ABCC12: variants seen among roughly 807,000 people sequenced by gnomAD.
The protein encoded by ABCC12 is ATP binding cassette subfamily C member 12.
A neutral mutation model predicts 151.1 loss-of-function variants in ABCC12; 142 were observed. The observed-to-expected ratio is 0.94, with a 90% CI of 0.82 to 1.08. ABCC12 has a LOEUF of 1.08. Ranked by LOEUF, ABCC12 falls within the 50% of genes least tolerant of loss-of-function variation. ABCC12 has a pLI of 0.00. For missense variants in ABCC12, 1,638 were observed against 1,691.1 expected (o/e 0.97, Z 0.55); for synonymous variants, 645 against 646.4 (o/e 1.00, Z 0.03).
chr16:48,105,113 T>C (rs777549270), intron 21 of ABCC12, 26 bp downstream of exon 21: 3 of 1,613,334 alleles, frequency 1.9e-6, no homozygotes, highest in Non-Finnish European at 2.5e-6. Flanking sequence ...AATAACTGGG[T>C]ACACCTGCAA....
At chr16:48,133,416 C>T (rs927210324) in intron 9 of ABCC12, among the ~76,000 whole-genome samples, 66 of 151,904 alleles carry the variant, frequency 4.3e-4, no homozygotes, top group African/African-American at 1.5e-3. Context: ...ATCCCAGCTA[C>T]TCAGGAGGCT....
chr16:48,128,758 TTAAC>T, intron 10 of ABCC12, 21 bp from the exon 11 acceptor site: 2 of 1,606,546 alleles, frequency 1.2e-6, no homozygotes, highest in Non-Finnish European at 1.7e-6. Context: ...AGAGACAAAA[TTAAC>T]TGAGCAGATG....
chr16:48,145,826 G>A (rs1357773531), intron 3 of ABCC12, among the ~76,000 whole-genome samples: 4 of 152,214 alleles, frequency 2.6e-5, no homozygotes, highest in Non-Finnish European at 5.9e-5. Flanking sequence ...ACCCAGCTGA[G>A]CTCAGCCCAA....
In ABCC12 at chr16:48,111,874, C is replaced by A; in HGVS notation, c.2026G>T (p.Asp676Tyr). The change falls in exon 16 of 31, where the codon GAT (aspartate) becomes TAT (tyrosine). Residue 676 changes from aspartate (D) to tyrosine (Y), a missense_variant. Coordinates refer to ENST00000311303, the MANE Select transcript of ABCC12 (RefSeq NM_001393797.1). Reference protein sequence around the residue: ...ESCDEVILLEDGEICEKGTHK... With the variant: ...ESCDEVILLEYGEICEKGTHK... Reference sequence around the variant, plus strand: ...GTTCCCTTTTCACAAATCTCTCCATCTTCTAATAAAATAACTTCATCACAA... The same window carrying A: ...GTTCCCTTTTCACAAATCTCTCCATATTCTAATAAAATAACTTCATCACAA... 1 of 1,614,182 alleles carries A rather than the reference C, an allele frequency of 6.2e-7. No homozygotes were observed. The highest frequency in any genetic ancestry group is 8.5e-7 in the Non-Finnish European group (1 of 1,180,036).
chr16:48,148,814 A>G (rs1324242105), intron 2 of ABCC12, among the ~76,000 whole-genome samples: 2 of 151,172 alleles, frequency 1.3e-5, no homozygotes, highest in African/African-American at 4.9e-5. Flanking sequence ...CACTTGACCA[A>G]TTTCTGCTCA....
At position 48,128,483 on chromosome 16, in the gene ABCC12, G is replaced by A. The variant is rs140426818; in HGVS notation, c.1491C>T (p.His497=). The change falls in exon 11 of 31, where the codon CAC becomes CAT. Residue 497 remains histidine, a synonymous_variant. Coordinates refer to ENST00000311303, the MANE Select transcript of ABCC12 (RefSeq NM_001393797.1). The stretch of plus-strand genomic sequence containing the variant: ...CCTTTCTCACCACAAAGCTTATGCT[G>A]TGCAGAACCGATTTGAGGCTGTCAC... ...EQSDSLKSVL[H]SISFVVRKGK... 3.7e-6 allele frequency: 6 copies of A among 1,614,118 alleles called. No individual in the cohort carries two copies. In the African/African-American group the frequency reaches 8.0e-5, roughly 22 times the overall value.
intron 27 of ABCC12, 131 bp downstream of exon 27, chr16:48,087,795 C>T: frequency 2.1e-6 from 2 of 958,850 alleles, no homozygotes; most frequent in Non-Finnish European, 3.1e-6. Flanking sequence ...GCTTGTGAGC[C>T]CCCCTGGGAT....
At chr16:48,106,775 C>T (rs1213365494) in intron 20 of ABCC12, among the ~76,000 whole-genome samples, 1 of 152,212 alleles carries the variant, frequency 6.6e-6, no homozygotes, top group Non-Finnish European at 1.5e-5. Context: ...TCCCAGCAAG[C>T]TCAAGAGAGA....
chr16:48,127,069 C>T (rs909744143), intron 11 of ABCC12, among the ~76,000 whole-genome samples: 6 of 152,120 alleles, frequency 3.9e-5, no homozygotes, highest in African/African-American at 1.4e-4. Context: ...CTCAATTGCA[C>T]TCAGCCAACT....
At chr16:48,105,451 T>C in intron 20 of ABCC12, 115 bp from the exon 21 acceptor site, 1 of 1,046,646 alleles carries the variant, frequency 9.6e-7, no homozygotes, top group South Asian at 1.5e-5. Context: ...CATGAGTGTT[T>C]TGAATGAGTC....
At chr16:48,140,403 C>A (rs973645670) in intron 6 of ABCC12, among the ~76,000 whole-genome samples, 2 of 152,128 alleles carry the variant, frequency 1.3e-5, no homozygotes, top group Admixed American at 1.3e-4. Context: ...CCTCCACAGT[C>A]CCCACTGACC....
At chr16:48,112,505 G>T (rs569232026) in intron 15 of ABCC12, among the ~76,000 whole-genome samples, 1 of 152,312 alleles carries the variant, frequency 6.6e-6, no homozygotes, top group South Asian at 2.1e-4. Flanking sequence ...TGAGGCAGGA[G>T]AATCGCTTGA....
chr16:48,110,726 G>A (rs4785404), intron 18 of ABCC12, among the ~76,000 whole-genome samples: 144,758 of 152,128 alleles, frequency 0.95, 69,292 homozygotes, highest in East Asian at 1. Flanking sequence ...ACAACCTTGA[G>A]GGACCAGTCC....
intron 3 of ABCC12, among the ~76,000 whole-genome samples, chr16:48,145,726 G>T (rs1229117619): frequency 6.6e-6 from 1 of 152,188 alleles, no homozygotes; most frequent in African/African-American, 2.4e-5. Context: ...GGGTCCAGTT[G>T]CCCCATTGCC....
Position 48,083,904 on chromosome 16 carries a change from T to C in ABCC12, c.3993+5A>G, listed in dbSNP as rs778075310. On this transcript the variant is annotated splice_donor_5th_base_variant and intron_variant, in intron 30 of 30. Transcript: ENST00000311303. ...GGGAGGTGAAGCCAAAAGAGCTTCCTATACCTTCCCATTTTCCATAACCAG... is the reference window on the plus strand; with the variant it reads ...GGGAGGTGAAGCCAAAAGAGCTTCCCATACCTTCCCATTTTCCATAACCAG... 1 of 1,612,072 alleles carries C rather than the reference T, an allele frequency of 6.2e-7. No homozygotes were observed. The highest frequency in any genetic ancestry group is 1.1e-5 in the South Asian group (1 of 90,690).
Position 48,128,744 on chromosome 16 carries a change from T to C in ABCC12, c.1237-7A>G. ...TTTTATCTATGAGAATTTTCTAAGATTAAAGAGACAAAATTAACTGAGCAG... is the reference window on the plus strand; with the variant it reads ...TTTTATCTATGAGAATTTTCTAAGACTAAAGAGACAAAATTAACTGAGCAG... On this transcript the variant is annotated splice_region_variant and splice_polypyrimidine_tract_variant and intron_variant, in intron 10 of 30. Transcript: ENST00000311303. 12 of 1,609,654 alleles carry C rather than the reference T, an allele frequency of 7.5e-6. No homozygotes were observed. The highest frequency in any genetic ancestry group is 1.0e-5 in the Non-Finnish European group (12 of 1,178,676).
intron 13 of ABCC12, among the ~76,000 whole-genome samples, chr16:48,118,377 T>G (rs1241805117): frequency 1.3e-5 from 2 of 152,150 alleles, no homozygotes; most frequent in African/African-American, 4.8e-5. Context: ...ACAGCCGCCT[T>G]GGGGACCCAA....
chr16:48,129,497 C>T (rs1964351361), intron 10 of ABCC12, among the ~76,000 whole-genome samples: 1 of 152,064 alleles, frequency 6.6e-6, no homozygotes, highest in Non-Finnish European at 1.5e-5. Context: ...TAGCATGAAA[C>T]AAGCAATTCA....
intron 22 of ABCC12, among the ~76,000 whole-genome samples, chr16:48,103,764 C>T (rs759688417): frequency 1.3e-5 from 2 of 152,334 alleles, no homozygotes; most frequent in East Asian, 1.9e-4. Flanking sequence ...TGGGAACCCC[C>T]GCCCCGACAC....
Sources: gnomAD v4.1 joint callset for allele counts (sites outside exome capture counted in the v4.1 genomes callset) on GRCh38, gnomAD v4.1.1 for gene constraint, MANE v1.5 for transcripts, NCBI Gene and HGNC (gene_info 2026-07-23, HGNC 2026-07-21) for gene names.